GABRR3: variants seen among roughly 807,000 people sequenced by gnomAD.
The protein encoded by GABRR3 is gamma-aminobutyric acid type A receptor subunit rho3, also known as gamma-aminobutyric acid receptor subunit rho-3.
Under a neutral mutation model 43.2 loss-of-function variants are expected in GABRR3, and 29 were observed. The observed-to-expected ratio is 0.67, with a 90% CI of 0.50 to 0.92. The LOEUF is 0.92. Among genes scored for constraint, GABRR3 ranks in the 40% least tolerant of loss-of-function variants. The probability of loss-of-function intolerance (pLI) is 0.00; values close to 1 mark genes in which losing one functional copy is unlikely to be tolerated. For missense variants in GABRR3, 576 were observed against 572.3 expected, an observed-to-expected ratio of 1.01 and a Z score of -0.07; for synonymous variants, 206 against 195.9, an observed-to-expected ratio of 1.05 and a Z score of -0.43.
At chr3:97,993,136 A>G in intron 8 of GABRR3, 88 bp from the exon 9 acceptor site, 1 of 1,055,242 alleles carries the variant, frequency 9.5e-7, no homozygotes. Flanking sequence ...ATGCATTTCT[A>G]GAACAATATC....
At position 98,024,603 on chromosome 3, in the gene GABRR3, G is replaced by A. The variant is rs149503872; in HGVS notation, c.238+964C>T. On this transcript the variant is annotated intron_variant, in intron 3 of 9. Transcript: ENST00000621172. ...CCCGCCCTGAACACTTGCGGTATTC[G>A]TTATTCATCAGAAGGCTGTATCTGT... is the stretch of plus-strand genomic sequence containing the variant. 6.8e-4 allele frequency among the ~76,000 whole-genome samples: 104 copies of A among 152,196 alleles called. No individual in the cohort carries two copies. In the Middle Eastern group the frequency reaches 0.014, roughly 20 times the overall value.
chr3:97,987,955 C>T lies in GABRR3; in HGVS notation c.1105-973G>A, dbSNP rs1164539498. On this transcript the variant is annotated intron_variant, in intron 9 of 9. Coordinates refer to ENST00000621172, the Ensembl canonical transcript of GABRR3. ...ACTACACTAGGCTAATTTTTTTTTTCACTCATTCTCTTTTATTTAACTTTA... is the reference window on the plus strand; with the variant it reads ...ACTACACTAGGCTAATTTTTTTTTTTACTCATTCTCTTTTATTTAACTTTA... Among the ~76,000 whole-genome samples the T allele has an allele frequency of 2.0e-5, 3 of 150,946 alleles. 1 individual carries two copies. The highest frequency in any genetic ancestry group is 2.0e-4 in the Admixed American group (3 of 15,172).
intron 3 of GABRR3, among the ~76,000 whole-genome samples, chr3:98,022,890 A>G (rs1706968010): frequency 6.6e-6 from 1 of 152,192 alleles, no homozygotes. Context: ...AAAATCTTTA[A>G]ATGTATCTCT....
At chr3:98,031,314 C>T (rs1340877462) in intron 2 of GABRR3, among the ~76,000 whole-genome samples, 1 of 152,144 alleles carries the variant, frequency 6.6e-6, no homozygotes, top group Non-Finnish European at 1.5e-5. Context: ...ACCAGATTAG[C>T]AGCTAGTCTG....
At chr3:97,986,961 C>T (rs779142988) in exon 10 of GABRR3, 1 of 1,597,624 alleles carries the variant, frequency 6.3e-7, no homozygotes, top group Non-Finnish European at 8.5e-7. Flanking sequence ...TGAACTGCAT[C>T]AATATTGTAC....
At position 97,996,378 on chromosome 3, in the gene GABRR3, A is replaced by G. The variant is rs1267724709; in HGVS notation, c.908-3330T>C. Reference sequence around the variant, plus strand: ...CATGAAGGTGGTACAAATAACTGTCATTAGAAATTCTCATAATCTCTGTGA... The same window carrying G: ...CATGAAGGTGGTACAAATAACTGTCGTTAGAAATTCTCATAATCTCTGTGA... On this transcript the variant is annotated intron_variant, in intron 8 of 9. Transcript: ENST00000621172. Among the ~76,000 whole-genome samples the G allele has an allele frequency of 2.6e-5, 4 of 152,348 alleles. No individual in the cohort carries two copies. The East Asian group carries it at 7.7e-4, about 29-fold the overall frequency.
intron 2 of GABRR3, 86 bp downstream of exon 2, chr3:98,034,777 T>C: frequency 1.3e-6 from 2 of 1,499,058 alleles, no homozygotes; most frequent in South Asian, 1.2e-5. Flanking sequence ...CCATTAAAGA[T>C]ACGTTTCCAG....
At chr3:98,008,739 C>T (rs952473371) in intron 6 of GABRR3, among the ~76,000 whole-genome samples, 1 of 59,124 alleles carries the variant, frequency 1.7e-5, no homozygotes, top group Non-Finnish European at 4.1e-5. Context: ...AAACACTTTT[C>T]CCCTGAACCT....
chr3:98,019,427 C>A (rs149557138), intron 3 of GABRR3, among the ~76,000 whole-genome samples: 1 of 152,116 alleles, frequency 6.6e-6, no homozygotes, highest in Non-Finnish European at 1.5e-5. Flanking sequence ...TCCATGCCCT[C>A]GGTATCATTT....
intron 8 of GABRR3, among the ~76,000 whole-genome samples, chr3:97,997,277 A>G (rs1321314734): frequency 6.6e-6 from 1 of 152,200 alleles, no homozygotes; most frequent in Non-Finnish European, 1.5e-5. Flanking sequence ...GGAGGAGCCA[A>G]TCATAATGCC....
intron 8 of GABRR3, among the ~76,000 whole-genome samples, chr3:97,997,131 GA>G (rs1444787019): frequency 2.0e-5 from 3 of 152,156 alleles, no homozygotes; most frequent in African/African-American, 7.2e-5. Flanking sequence ...TGAAATAGAG[GA>G]AGTAAGCTAC....
intron 8 of GABRR3, among the ~76,000 whole-genome samples, chr3:97,993,652 G>T (rs543619780): frequency 6.6e-6 from 1 of 152,066 alleles, no homozygotes; most frequent in Admixed American, 6.6e-5. Flanking sequence ...GCTAGTAGGG[G>T]TTCAGTTCAT....
intron 2 of GABRR3, among the ~76,000 whole-genome samples, chr3:98,029,672 T>G (rs915206932): frequency 1.3e-5 from 2 of 152,144 alleles, no homozygotes; most frequent in Non-Finnish European, 2.9e-5. Context: ...AAGAGACTAG[T>G]TACCCAAGGG....
intron 3 of GABRR3, among the ~76,000 whole-genome samples, chr3:98,022,845 AAAGT>A (rs1706966479): frequency 1.3e-5 from 2 of 152,190 alleles, no homozygotes; most frequent in African/African-American, 4.8e-5. Flanking sequence ...CTCGGGAAAG[AAAGT>A]ATTTTTAAAA....
chr3:97,993,996 G>A (rs1292807015), intron 8 of GABRR3, among the ~76,000 whole-genome samples: 1 of 152,202 alleles, frequency 6.6e-6, no homozygotes, highest in Admixed American at 6.5e-5. Flanking sequence ...TATTGCCAGA[G>A]TACCACCTGG....
At chr3:97,985,496 A>G (rs1706372644), downstream of GABRR3, among the ~76,000 whole-genome samples, 3 of 152,190 alleles carry the variant, frequency 2.0e-5, no homozygotes, top group Admixed American at 2.0e-4. Flanking sequence ...AATTCACACC[A>G]GACAGTGTAC....
rs139853481 is a variant in GABRR3, at chr3:98,002,071, G to A, written c.755-304C>T. 1.6e-3 allele frequency among the ~76,000 whole-genome samples: 239 copies of A among 152,162 alleles called. 1 individual carries two copies. The highest frequency in any genetic ancestry group is 5.3e-3 in the African/African-American group (219 of 41,524). On this transcript the variant is annotated intron_variant, in intron 7 of 9. Coordinates refer to ENST00000621172, the Ensembl canonical transcript of GABRR3. The stretch of plus-strand genomic sequence containing the variant: ...TCTCCACAATATATTGTATTGTGGC[G>A]TTTCTGCAAGAGGGAAAGTCTTCAA...
chr3:98,001,290 G>A (rs768458332), intron 8 of GABRR3: 1 of 265,944 alleles, frequency 3.8e-6, no homozygotes, highest in Non-Finnish European at 7.3e-6. Flanking sequence ...TATAAAGCAT[G>A]GGGAGGTTTT....
intron 3 of GABRR3, among the ~76,000 whole-genome samples, chr3:98,024,495 C>T (rs1352128818): frequency 6.6e-6 from 1 of 151,882 alleles, no homozygotes; most frequent in African/African-American, 2.4e-5. Flanking sequence ...TTTTGTTTTG[C>T]CTGTTAACAA....
Sources: allele counts gnomAD v4.1 joint callset (sites outside exome capture counted in the v4.1 genomes callset), GRCh38; gene constraint gnomAD v4.1.1; transcripts MANE v1.5; gene names NCBI Gene and HGNC (gene_info 2026-07-23, HGNC 2026-07-21).